Variants in SCARA3 observed in about 807,000 individuals in gnomAD.
SCARA3 encodes the protein cellular stress response gene protein.
Under a neutral mutation model 47.0 loss-of-function variants are expected in SCARA3, and 39 were observed. That is an observed-to-expected ratio of 0.83 (90% CI 0.64 to 1.08). The LOEUF (loss-of-function observed/expected upper bound fraction) is 1.08. Among genes scored for constraint, SCARA3 ranks in the 50% least tolerant of loss-of-function variants. SCARA3 has a pLI of 0.00. For synonymous variants in SCARA3, 356 were observed against 334.1 expected (o/e 1.07, Z -0.71); for missense variants, 724 against 792.3 (o/e 0.91, Z 1.04).
At chr8:27,696,302 G>A in the SCARA3 span, among the ~76,000 whole-genome samples, 1 of 152,116 alleles carries the variant, frequency 6.6e-6, no homozygotes, top group African/African-American at 2.4e-5. Flanking sequence ...GAGCCATCAT[G>A]CCTGGCCAAG....
the SCARA3 span, among the ~76,000 whole-genome samples, chr8:27,719,149 G>A: frequency 6.6e-6 from 1 of 152,182 alleles, no homozygotes; most frequent in East Asian, 1.9e-4. Flanking sequence ...GTGGCAGAAT[G>A]AAGATTATCC....
chr8:27,634,349 TC>T lies in SCARA3; in HGVS notation c.7+144del, dbSNP rs1801200796. ...GGCTTTTCCCCTGCCTTTTTGGGCA[TC>T]CTGCGAGACAGGACGGATCCCTGAA... On this transcript the variant is annotated intron_variant, in intron 1 of 5. Transcript: ENST00000301904. The T allele has an allele frequency of 6.0e-6, 4 of 668,858 alleles. No homozygotes were observed. In the South Asian group the frequency reaches 2.0e-4, roughly 33 times the overall value. 41.4% of individuals were successfully genotyped at this position (668,858 alleles called of 1,614,324 possible).
the SCARA3 span, chr8:27,697,575 C>T: frequency 6.6e-6 from 1 of 152,218 alleles, no homozygotes; most frequent in Admixed American, 6.5e-5. Context: ...GGCAGTGCTT[C>T]CAGAAAGAAC....
At position 27,659,066 on chromosome 8, in the gene SCARA3, A is replaced by T. The variant is rs1192534449; in HGVS notation, c.896A>T (p.Asp299Val). 6.2e-7 allele frequency: 1 copy of T among 1,614,050 alleles called. No homozygotes were observed. Among genetic ancestry groups the T allele is most frequent in the Non-Finnish European group, 8.5e-7 (1 of 1,180,012 alleles). ...AGCCAGAACTCAGAGAGCATGCACG[A>T]CCTGGTACTCCAGGTCATGGGCTTG... ...RISQNSESMHDLVLQVMGLQL... is the reference protein window; with the variant it reads ...RISQNSESMHVLVLQVMGLQL... The change falls in exon 5 of 6, where the codon GAC becomes GTC. Residue 299 changes from aspartate (D) to valine (V), a missense_variant. Asp to Val is a radical substitution (Grantham distance 152). Transcript: ENST00000301904.
At chr8:27,657,713 T>G (rs7836271) in intron 4 of SCARA3, among the ~76,000 whole-genome samples, 16,491 of 151,286 alleles carry the variant, frequency 0.11, 1,042 homozygotes, top group East Asian at 0.29. Flanking sequence ...GCTAATTTTT[T>G]GTATTTTTAG....
the SCARA3 span, among the ~76,000 whole-genome samples, chr8:27,707,807 A>G: frequency 8.5e-6 from 1 of 117,444 alleles, no homozygotes; most frequent in Non-Finnish European, 1.8e-5. Context: ...TAAAGAAAAG[A>G]ACTGAAAAAC....
chr8:27,675,813 A>G (rs1485833808), downstream of SCARA3, among the ~76,000 whole-genome samples: 1 of 149,494 alleles, frequency 6.7e-6, no homozygotes, highest in Non-Finnish European at 1.5e-5. Context: ...AAATAAATAA[A>G]TGCAGATTGT....
rs1801826655 is a variant in SCARA3 at position 27,659,004 on chromosome 8, C to T, written c.834C>T (p.Asn278=). The T allele has an allele frequency of 6.2e-7, 1 of 1,614,128 alleles. No homozygotes were observed. ...CCAAGACTGGAGAGGCGGTCAAGAA[C>T]ATCCAGGCCACCCTGGGGGCCTCCT... The part of the protein sequence containing the change: ...TSTKTGEAVK[N]IQATLGASSQ... Residue 278 remains asparagine, a synonymous_variant, in exon 5 of 6, where the codon AAC becomes AAT. Coordinates refer to ENST00000301904, the MANE Select transcript of SCARA3 (RefSeq NM_016240.3).
chr8:27,663,882 CA>C (rs1801962608), intron 5 of SCARA3, among the ~76,000 whole-genome samples: 1 of 152,196 alleles, frequency 6.6e-6, no homozygotes, highest in African/African-American at 2.4e-5. Context: ...GGGCCCCACT[CA>C]AACAAGAAGC....
chr8:27,710,874 A>G, the SCARA3 span, among the ~76,000 whole-genome samples: 155 of 150,066 alleles, frequency 1.0e-3, no homozygotes, highest in Middle Eastern at 3.6e-3. Flanking sequence ...TTAGATCTAT[A>G]GATGTGAGAT....
At chr8:27,731,729 T>C in the SCARA3 span, among the ~76,000 whole-genome samples, 5 of 151,576 alleles carry the variant, frequency 3.3e-5, no homozygotes, top group African/African-American at 1.2e-4. Flanking sequence ...CCAAAGACTC[T>C]CCTAAAAGCA....
At chr8:27,683,896 C>T in the SCARA3 span, among the ~76,000 whole-genome samples, 1 of 151,866 alleles carries the variant, frequency 6.6e-6, no homozygotes, top group African/African-American at 2.4e-5. Context: ...TAAGGAATGA[C>T]ATGAAAAAAA....
intron 3 of SCARA3, among the ~76,000 whole-genome samples, chr8:27,655,794 G>A (rs772505534): frequency 6.6e-6 from 1 of 152,140 alleles, no homozygotes; most frequent in East Asian, 1.9e-4. Context: ...TTTATATAGA[G>A]TGCCATGCAG....
chr8:27,727,027 C>T, the SCARA3 span, among the ~76,000 whole-genome samples: 2 of 152,094 alleles, frequency 1.3e-5, no homozygotes, highest in African/African-American at 2.4e-5. Flanking sequence ...GCCCCCACCT[C>T]GGCATCCCAA....
chr8:27,719,643 T>C, the SCARA3 span, among the ~76,000 whole-genome samples: 3 of 151,856 alleles, frequency 2.0e-5, no homozygotes, highest in Non-Finnish European at 4.4e-5. Flanking sequence ...ATTCTAACAA[T>C]AGCAAAGGAG....
chr8:27,698,762 C>T, the SCARA3 span, among the ~76,000 whole-genome samples: 5 of 151,794 alleles, frequency 3.3e-5, no homozygotes, highest in Non-Finnish European at 5.9e-5. Flanking sequence ...TTAGCAACAG[C>T]ATAAAAATAT....
At chr8:27,648,347 C>A (rs757501569) in intron 1 of SCARA3, among the ~76,000 whole-genome samples, 8 of 152,276 alleles carry the variant, frequency 5.3e-5, no homozygotes, top group Non-Finnish European at 1.0e-4. Context: ...TGGCTCACGC[C>A]TGTAATCCCA....
chr8:27,674,756 G>A (rs548638571), downstream of SCARA3, among the ~76,000 whole-genome samples: 120 of 131,426 alleles, frequency 9.1e-4, no homozygotes, highest in African/African-American at 3.0e-3. Context: ...TTGAGATGGA[G>A]TCTTGCTCTG....
At chr8:27,726,786 T>C in the SCARA3 span, among the ~76,000 whole-genome samples, 1 of 152,106 alleles carries the variant, frequency 6.6e-6, no homozygotes, top group Non-Finnish European at 1.5e-5. Flanking sequence ...ACAGTATTTA[T>C]TTATTTATTT....
Sources: allele counts gnomAD v4.1 joint callset (sites outside exome capture counted in the v4.1 genomes callset), GRCh38; gene constraint gnomAD v4.1.1; transcripts MANE v1.5; gene names NCBI Gene and HGNC (gene_info 2026-07-23, HGNC 2026-07-21).